The following USP49 variants were observed in gnomAD, a reference collection of about 807,000 sequenced individuals.
The protein encoded by USP49 is ubiquitin carboxyl-terminal hydrolase 49.
A neutral mutation model predicts 58.6 loss-of-function variants in USP49; 24 were observed. The ratio of observed to expected loss-of-function variants is 0.41; its 90% CI spans 0.30 to 0.58. The LOEUF (loss-of-function observed/expected upper bound fraction) is 0.58, where lower values mean the gene tolerates loss of function less well. Ranked by LOEUF, USP49 falls within the 20% of genes least tolerant of loss-of-function variation. The pLI is 0.30. For synonymous variants in USP49, 408 were observed against 365.1 expected, an observed-to-expected ratio of 1.12 and a Z score of -1.34; for missense variants, 703 against 866.1, an observed-to-expected ratio of 0.81 and a Z score of 2.36.
chr6:41,815,402 CAG>C (rs1295190897), intron 3 of USP49, among the ~76,000 whole-genome samples: 1 of 149,422 alleles, frequency 6.7e-6, no homozygotes, highest in African/African-American at 2.5e-5. Context: ...GCCTGGGCGA[CAG>C]AGTGAGACTC....
intron 3 of USP49, among the ~76,000 whole-genome samples, chr6:41,830,498 T>C (rs1773615019): frequency 6.6e-6 from 1 of 152,182 alleles, no homozygotes; most frequent in Non-Finnish European, 1.5e-5. Flanking sequence ...CAGACAATGA[T>C]GGAGCAAACA....
intron 3 of USP49, among the ~76,000 whole-genome samples, chr6:41,857,542 A>T (rs1414845847): frequency 6.6e-6 from 1 of 152,182 alleles, no homozygotes; most frequent in Non-Finnish European, 1.5e-5. Context: ...GCTCCTTGGG[A>T]GGCTGAGGCA....
At chr6:41,858,844 A>G (rs144651203) in intron 3 of USP49, among the ~76,000 whole-genome samples, 46 of 152,236 alleles carry the variant, frequency 3.0e-4, no homozygotes, top group African/African-American at 1.1e-3. Context: ...AATTATCACT[A>G]TCTAAACATA....
chr6:41,831,762 A>C (rs1454383067), intron 3 of USP49, among the ~76,000 whole-genome samples: 1 of 152,184 alleles, frequency 6.6e-6, no homozygotes, highest in Non-Finnish European at 1.5e-5. Flanking sequence ...CTGTATGATA[A>C]AGTCCAAGTT....
At chr6:41,814,152 A>G (rs1376915132) in intron 3 of USP49, among the ~76,000 whole-genome samples, 1 of 152,196 alleles carries the variant, frequency 6.6e-6, no homozygotes, top group Non-Finnish European at 1.5e-5. Context: ...ATACTTCTAC[A>G]TCAGCAAGTT....
intron 3 of USP49, among the ~76,000 whole-genome samples, chr6:41,821,256 C>A (rs1286007142): frequency 6.6e-6 from 1 of 152,178 alleles, no homozygotes; most frequent in Non-Finnish European, 1.5e-5. Flanking sequence ...ACAGAGATTG[C>A]CTGCATCAGC....
rs545880061 is a variant in USP49, at chr6:41,838,573, G to A, written c.-28-31562C>T. On this transcript the variant is annotated intron_variant, in intron 3 of 7. Transcript: ENST00000682992. ...AGCCCTATCCCTAGGGGAAGGGGGA[G>A]AGCACCACATCAAGGGATCACTCTG... Among the ~76,000 whole-genome samples, 139 of 152,276 alleles carry A rather than the reference G, an allele frequency of 9.1e-4. 2 individuals carry two copies. The Middle Eastern group carries it at 0.027, about 30-fold the overall frequency.
chr6:41,797,775 A>C (rs1398671290), intron 7 of USP49: 1 of 985,890 alleles, frequency 1.0e-6, no homozygotes, highest in East Asian at 1.1e-4. Flanking sequence ...GCATTACCAC[A>C]AAACAGTAAT....
intron 3 of USP49, among the ~76,000 whole-genome samples, chr6:41,817,087 G>A (rs1437636986): frequency 6.6e-6 from 1 of 150,570 alleles, no homozygotes; most frequent in African/African-American, 2.5e-5. Flanking sequence ...TGATCCTCCT[G>A]CCTCAGCTCC....
chr6:41,816,859 C>A (rs932795113), intron 3 of USP49, among the ~76,000 whole-genome samples: 19 of 151,434 alleles, frequency 1.3e-4, no homozygotes, highest in African/African-American at 4.1e-4. Flanking sequence ...CGCGCACCAC[C>A]ATGCCCAGCT....
rs149448268 is a variant in USP49 at position 41,869,350 on chromosome 6, G to A, written c.-29+2214C>T. Among the ~76,000 whole-genome samples the A allele has an allele frequency of 3.9e-3, 592 of 152,042 alleles. 4 individuals carry two copies. The highest frequency in any genetic ancestry group is 0.014 in the African/African-American group (569 of 41,502). The stretch of plus-strand genomic sequence containing the variant: ...GAGTTAAAGGCCAGCTGGGTAGCAC[G>A]GCATGACTCTGTCTCTTTAAATAAA... On this transcript the variant is annotated intron_variant, in intron 3 of 7. Transcript: ENST00000682992.
intron 3 of USP49, among the ~76,000 whole-genome samples, chr6:41,840,216 T>C (rs34223482): frequency 0.087 from 13,089 of 150,872 alleles, 783 homozygotes; most frequent in Middle Eastern, 0.19. Flanking sequence ...CTACTAAAAA[T>C]ACAAAAAATT....
intron 5 of USP49, among the ~76,000 whole-genome samples, chr6:41,802,464 A>ATTT (rs1272102736): frequency 1.0e-3 from 75 of 73,670 alleles, no homozygotes; most frequent in African/African-American, 3.0e-3. Context: ...TTATTTATTT[A>ATTT]TTTATTTTTT....
At chr6:41,862,996 C>T (rs796165592) in intron 3 of USP49, among the ~76,000 whole-genome samples, 2 of 152,046 alleles carry the variant, frequency 1.3e-5, no homozygotes, top group South Asian at 2.1e-4. Context: ...GGGCTGGTCT[C>T]GAACTCTTAG....
At chr6:41,827,198 A>G (rs1773553265) in intron 3 of USP49, among the ~76,000 whole-genome samples, 1 of 152,220 alleles carries the variant, frequency 6.6e-6, no homozygotes, top group South Asian at 2.1e-4. Context: ...ACTGGGCATC[A>G]TACGTTATTC....
At chr6:41,854,104 G>A (rs1774083967) in intron 3 of USP49, among the ~76,000 whole-genome samples, 1 of 151,284 alleles carries the variant, frequency 6.6e-6, no homozygotes, top group South Asian at 2.1e-4. Context: ...ATCACCTGAG[G>A]TCAGGAGTTC....
Position 41,798,574 on chromosome 6 carries a change from C to A in USP49, c.1876+150G>T, listed in dbSNP as rs1158446537. ...TACAGGTGTGAGCCACGGCGCCCAA[C>A]CCAATTTTCACAATTCTTTCCACTG... On this transcript the variant is annotated intron_variant, in intron 7 of 7. Coordinates refer to ENST00000682992, the MANE Select transcript of USP49 (RefSeq NM_001286554.2). 8.3e-6 allele frequency: 13 copies of A among 1,558,052 alleles called. No homozygotes were observed. In the Admixed American group the frequency reaches 2.4e-4, roughly 28 times the overall value.
intron 3 of USP49, among the ~76,000 whole-genome samples, chr6:41,859,758 TAAATTAGAGTTCA>T (rs1774188798): frequency 6.6e-6 from 1 of 152,210 alleles, no homozygotes; most frequent in African/African-American, 2.4e-5. Flanking sequence ...CAGTAATTTT[TAAATTAGAGTTCA>T]AAAAATAAGA....
chr6:41,804,058 T>C (rs755086284), intron 4 of USP49, 48 bp from the exon 5 acceptor site: 1 of 1,571,190 alleles, frequency 6.4e-7, no homozygotes, highest in East Asian at 2.3e-5. Flanking sequence ...CCATGCTTCC[T>C]GTGTACAGTT....
Sources: gnomAD v4.1 joint callset for allele counts (sites outside exome capture counted in the v4.1 genomes callset) on GRCh38, gnomAD v4.1.1 for gene constraint, MANE v1.5 for transcripts, NCBI Gene and HGNC (gene_info 2026-07-23, HGNC 2026-07-21) for gene names.